Variants in GSTO2 observed in about 807,000 individuals in gnomAD.
GSTO2 encodes glutathione S-transferase omega 2.
Under a neutral mutation model 28.4 loss-of-function variants are expected in GSTO2, and 23 were observed. That is an observed-to-expected ratio of 0.81 (90% CI 0.58 to 1.15). GSTO2 has a LOEUF of 1.15. Ranked by LOEUF, GSTO2 falls within the 50% of genes most tolerant of loss-of-function variation. GSTO2 has a pLI of 0.00. For synonymous variants in GSTO2, 109 were observed against 111.0 expected (o/e 0.98, Z 0.11); for missense variants, 298 against 297.8 (o/e 1.00, Z 0.00).
At position 104,274,762 on chromosome 10, in the gene GSTO2, C is replaced by A; in HGVS notation, c.-154C>A. ...CCCTAGCTCCTGCTCCAGATCGCTT[C>A]CCCGTGCCCCGCCAGAGCCCAGTAG... On this transcript the variant is annotated 5_prime_UTR_variant, in exon 2 of 7. Coordinates refer to ENST00000338595, the MANE Select transcript of GSTO2 (RefSeq NM_183239.2). 1 of 889,558 alleles carries A rather than the reference C, an allele frequency of 1.1e-6. No individual in the cohort carries two copies. The highest frequency in any genetic ancestry group is 1.8e-6 in the Non-Finnish European group (1 of 567,944). 55.1% of individuals were successfully genotyped at this position (889,558 alleles called of 1,614,324 possible). A position where few individuals can be genotyped will look rare whatever the true frequency, so the allele number is the denominator to read the frequency against.
rs1164659466 is a variant in GSTO2 at position 104,275,296 on chromosome 10, TCA to T, written c.108_109del (p.His36GlnfsTer14). Reference sequence around the variant, plus strand: ...ACAGCATGAGGTTCTGCCCCTATTCTCACAGGACCCGCCTCGTCCTCAAGGCC... The same window carrying T: ...ACAGCATGAGGTTCTGCCCCTATTCTCAGGACCCGCCTCGTCCTCAAGGCC... The part of the protein sequence containing the change: ...IYSMRFCPYS[H>X]RTRLVLKAKD... On this transcript the variant is annotated frameshift_variant, in exon 3 of 7. Coordinates refer to ENST00000338595, the MANE Select transcript of GSTO2 (RefSeq NM_183239.2). LOFTEE classifies it high-confidence loss of function. 1 of 1,613,962 alleles carries T rather than the reference TCA, an allele frequency of 6.2e-7. No individual in the cohort carries two copies.
At chr10:104,278,547 T>C (rs975238463) in intron 4 of GSTO2, among the ~76,000 whole-genome samples, 2 of 152,220 alleles carry the variant, frequency 1.3e-5, no homozygotes, top group African/African-American at 4.8e-5. Flanking sequence ...AGTGGCACCA[T>C]CTCGGCTCAC....
Position 104,274,914 on chromosome 10 carries a change from C to T in GSTO2, c.-2C>T. On this transcript the variant is annotated 5_prime_UTR_variant, in exon 2 of 7. Transcript: ENST00000338595. ...GGGAGCTGCGCAAACCACCTGGAGA[C>T]CATGTCTGGGGATGCGACCAGGACC... is the stretch of plus-strand genomic sequence containing the variant. The T allele has an allele frequency of 6.2e-7, 1 of 1,610,054 alleles. No individual in the cohort carries two copies. Among genetic ancestry groups the T allele is most frequent in the Non-Finnish European group, 8.5e-7 (1 of 1,178,468 alleles).
intron 5 of GSTO2, chr10:104,288,346 C>T (rs1419325997): frequency 6.6e-6 from 1 of 152,138 alleles, no homozygotes; most frequent in African/African-American, 2.4e-5. Context: ...AAAGCATTTT[C>T]TCTATTTTAG....
At chr10:104,271,918 A>G (rs2011425894) in intron 1 of GSTO2, among the ~76,000 whole-genome samples, 1 of 152,250 alleles carries the variant, frequency 6.6e-6, no homozygotes, top group South Asian at 2.1e-4. Flanking sequence ...GCTAAATCCA[A>G]CCAATTGTTG....
At chr10:104,286,687 G>A (rs1359456159) in intron 5 of GSTO2, among the ~76,000 whole-genome samples, 3 of 152,168 alleles carry the variant, frequency 2.0e-5, no homozygotes, top group African/African-American at 7.2e-5. Flanking sequence ...TATTAGTGCT[G>A]TTGCTAGTTG....
chr10:104,295,273 T>C (rs552357076), intron 5 of GSTO2: 2 of 152,322 alleles, frequency 1.3e-5, no homozygotes, highest in South Asian at 4.1e-4. Flanking sequence ...GACCCTGCTG[T>C]TTTAGTGCCA....
At position 104,299,477 on chromosome 10, in the gene GSTO2, T is replaced by C; in HGVS notation, c.*193T>C. 1 of 615,748 alleles carries C rather than the reference T, an allele frequency of 1.6e-6. No homozygotes were observed. Among genetic ancestry groups the C allele is most frequent in the Non-Finnish European group, 2.7e-6 (1 of 372,564 alleles). 38.1% of individuals were successfully genotyped at this position (615,748 alleles called of 1,614,324 possible). A position where few individuals can be genotyped will look rare whatever the true frequency, so the allele number is the denominator to read the frequency against. ...CCTGTAGCTGCTGCTACTGCTGCTT[T>C]TTTTTCCTTTTTTTTTTTGAGGCAA... On this transcript the variant is annotated 3_prime_UTR_variant, in exon 7 of 7. Transcript: ENST00000338595.
At chr10:104,288,582 G>C (rs1356146539) in intron 5 of GSTO2, 1 of 152,212 alleles carries the variant, frequency 6.6e-6, no homozygotes, top group African/African-American at 2.4e-5. Context: ...TTGCTGTGGA[G>C]ATACACTGTA....
At chr10:104,283,273 G>A (rs1424934925) in intron 5 of GSTO2, among the ~76,000 whole-genome samples, 3 of 152,216 alleles carry the variant, frequency 2.0e-5, no homozygotes, top group Non-Finnish European at 4.4e-5. Flanking sequence ...GGACCACTGA[G>A]TACTCCACAT....
At chr10:104,278,377 G>A (rs1299063892) in intron 4 of GSTO2, among the ~76,000 whole-genome samples, 1 of 152,194 alleles carries the variant, frequency 6.6e-6, no homozygotes, top group Non-Finnish European at 1.5e-5. Flanking sequence ...ACTTGAAGCA[G>A]GAATACTGAA....
At chr10:104,284,257 G>T (rs569631221) in intron 5 of GSTO2, among the ~76,000 whole-genome samples, 1 of 152,190 alleles carries the variant, frequency 6.6e-6, no homozygotes, top group African/African-American at 2.4e-5. Flanking sequence ...CTACTTGGGA[G>T]GCTGAGGTGG....
Position 104,304,577 on chromosome 10 carries a change from G to A in GSTO2, c.*5293G>A, listed in dbSNP as rs193243878. 4.9e-4 allele frequency: 74 copies of A among 152,282 alleles called. 1 individual carries two copies. The highest frequency in any genetic ancestry group is 1.7e-3 in the African/African-American group (69 of 41,546). 9.4% of individuals were successfully genotyped at this position (152,282 alleles called of 1,614,324 possible). On this transcript the variant is annotated 3_prime_UTR_variant, in exon 7 of 7. Transcript: ENST00000338595. ...GACGGCTAAGTACCTATTTCATTGGGCTGTTGAATAATGATGGTCTCATCT... is the reference window on the plus strand; with the variant it reads ...GACGGCTAAGTACCTATTTCATTGGACTGTTGAATAATGATGGTCTCATCT...
intron 1 of GSTO2, among the ~76,000 whole-genome samples, chr10:104,271,341 T>A (rs2011392841): frequency 6.6e-6 from 1 of 152,246 alleles, no homozygotes; most frequent in South Asian, 2.1e-4. Context: ...TCTTTGTGGA[T>A]ACAAAATTGG....
chr10:104,304,188 G>C lies in GSTO2; in HGVS notation c.*4904G>C, dbSNP rs2013337339. On this transcript the variant is annotated 3_prime_UTR_variant, in exon 7 of 7. Coordinates refer to ENST00000338595, the MANE Select transcript of GSTO2 (RefSeq NM_183239.2). ...CCACCACACACACACACCAAACACT[G>C]TGCCCACCTGGGAGACCCATTTTCA... 6.6e-6 allele frequency: 1 copy of C among 152,254 alleles called. No homozygotes were observed. The highest frequency in any genetic ancestry group is 1.5e-5 in the Non-Finnish European group (1 of 68,072). The allele number at this position is 152,254 out of a possible 1,614,324, so 9.4% of individuals were successfully genotyped here. A position where few individuals can be genotyped will look rare whatever the true frequency, so the allele number is the denominator to read the frequency against.
intron 5 of GSTO2, 59 bp from the exon 6 acceptor site, chr10:104,297,519 C>T: frequency 9.3e-7 from 1 of 1,070,836 alleles, no homozygotes; most frequent in Non-Finnish European, 1.4e-6. Flanking sequence ...CATTTAGTGT[C>T]TATAAACATG....
At chr10:104,288,610 T>C (rs896389894) in intron 5 of GSTO2, 2 of 152,258 alleles carry the variant, frequency 1.3e-5, no homozygotes, top group Non-Finnish European at 2.9e-5. Context: ...ATTGTTGACT[T>C]AATGCATATT....
At chr10:104,294,215 A>G (rs918275403) in intron 5 of GSTO2, among the ~76,000 whole-genome samples, 1 of 152,208 alleles carries the variant, frequency 6.6e-6, no homozygotes, top group South Asian at 2.1e-4. Flanking sequence ...TATGTAGTGC[A>G]CATTTTTACA....
rs957606513 is a variant in GSTO2, at chr10:104,303,693, A to G, written c.*4409A>G. 1.3e-5 allele frequency: 2 copies of G among 152,266 alleles called. No individual in the cohort carries two copies. The highest frequency in any genetic ancestry group is 4.8e-5 in the African/African-American group (2 of 41,474). The allele number at this position is 152,266 out of a possible 1,614,324, so 9.4% of individuals were successfully genotyped here. A position where few individuals can be genotyped will look rare whatever the true frequency, so the allele number is the denominator to read the frequency against. On this transcript the variant is annotated 3_prime_UTR_variant, in exon 7 of 7. Coordinates refer to ENST00000338595, the MANE Select transcript of GSTO2 (RefSeq NM_183239.2). The stretch of plus-strand genomic sequence containing the variant: ...AATTTGCATAAGTAAAAAGGAGCCA[A>G]GTGCTAATGGCCAAGAAAATGGGGA...
Sources: gnomAD v4.1 joint callset for allele counts (sites outside exome capture counted in the v4.1 genomes callset) on GRCh38, gnomAD v4.1.1 for gene constraint, MANE v1.5 for transcripts, NCBI Gene and HGNC (gene_info 2026-07-23, HGNC 2026-07-21) for gene names.